Variants in ASXL3 observed in about 807,000 individuals in gnomAD.
ASXL3 encodes the protein ASXL transcriptional regulator 3.
ASXL3 carries 34 observed loss-of-function variants against 170.6 expected under a neutral mutation model. That is an observed-to-expected ratio of 0.20 (90% CI 0.15 to 0.27). ASXL3 has a LOEUF of 0.27. Ranked by LOEUF, ASXL3 falls within the 10% of genes least tolerant of loss-of-function variation. ASXL3 has a pLI of 1.00. For missense variants in ASXL3, 2,592 were observed against 2,695.3 expected, an observed-to-expected ratio of 0.96 and a Z score of 0.85; for synonymous variants, 1,002 against 989.1, an observed-to-expected ratio of 1.01 and a Z score of -0.24.
intron 1 of ASXL3, among the ~76,000 whole-genome samples, chr18:33,602,226 CT>C (rs2145114992): frequency 6.6e-6 from 1 of 152,146 alleles, no homozygotes; most frequent in East Asian, 1.9e-4. Context: ...CTGTTCCCCC[CT>C]GCCATTCTAT....
intron 8 of ASXL3, among the ~76,000 whole-genome samples, chr18:33,691,183 C>A (rs2066681240): frequency 6.6e-6 from 1 of 152,192 alleles, no homozygotes; most frequent in Non-Finnish European, 1.5e-5. Context: ...ATCCTCCCTG[C>A]AATGACAGCA....
intron 8 of ASXL3, among the ~76,000 whole-genome samples, chr18:33,703,588 C>T (rs2145331406): frequency 6.6e-6 from 1 of 152,220 alleles, no homozygotes; most frequent in South Asian, 2.1e-4. Flanking sequence ...ATGCTGCGGA[C>T]CTGCCTCTGC....
At chr18:33,631,807 A>T (rs984627813) in intron 2 of ASXL3, among the ~76,000 whole-genome samples, 1 of 152,138 alleles carries the variant, frequency 6.6e-6, no homozygotes, top group African/African-American at 2.4e-5. Context: ...CTAAAATTCG[A>T]ATATATAGCC....
chr18:33,730,639 C>T (rs137858863), intron 8 of ASXL3, among the ~76,000 whole-genome samples: 1 of 151,832 alleles, frequency 6.6e-6, no homozygotes, highest in African/African-American at 2.4e-5. Context: ...GTACATCAGT[C>T]ATGCTGAACC....
intron 1 of ASXL3, among the ~76,000 whole-genome samples, chr18:33,604,156 G>T (rs775422655): frequency 1.3e-5 from 2 of 151,952 alleles, no homozygotes; most frequent in Non-Finnish European, 2.9e-5. Flanking sequence ...TAAAGGAGAA[G>T]CAATTCACAA....
At chr18:33,645,191 G>A (rs1384639637) in intron 3 of ASXL3, among the ~76,000 whole-genome samples, 189 bp downstream of exon 3, 2 of 151,988 alleles carry the variant, frequency 1.3e-5, no homozygotes, top group Non-Finnish European at 2.9e-5. Flanking sequence ...AAGCATATCT[G>A]TGGTTTCACT....
intron 2 of ASXL3, chr18:33,627,158 AT>A: frequency 6.6e-6 from 1 of 152,384 alleles, no homozygotes; most frequent in African/African-American, 2.4e-5. Context: ...TTCCCCTGTC[AT>A]TTAGTGGGCA....
chr18:33,711,496 C>A (rs1389143910), intron 8 of ASXL3, among the ~76,000 whole-genome samples: 1 of 151,976 alleles, frequency 6.6e-6, no homozygotes, highest in African/African-American at 2.4e-5. Context: ...ATCTGAATTC[C>A]CAAATGACTA....
intron 1 of ASXL3, among the ~76,000 whole-genome samples, chr18:33,584,423 C>T (rs2065018805): frequency 6.6e-6 from 1 of 152,030 alleles, no homozygotes; most frequent in Non-Finnish European, 1.5e-5. Context: ...TCTCCTTGCA[C>T]ACACAAAGAA....
chr18:33,630,677 T>A (rs766414684), intron 2 of ASXL3, among the ~76,000 whole-genome samples: 4 of 151,974 alleles, frequency 2.6e-5, no homozygotes, highest in Non-Finnish European at 5.9e-5. Context: ...CTTTTGACAT[T>A]CTGCTGATCA....
chr18:33,659,791 C>CA (rs948832925), intron 4 of ASXL3, among the ~76,000 whole-genome samples: 12 of 151,864 alleles, frequency 7.9e-5, no homozygotes, highest in African/African-American at 1.5e-4. Flanking sequence ...CTGTCTTAAG[C>CA]AAAAAAATCA....
At chr18:33,702,527 AACTATT>A (rs1389342486) in intron 8 of ASXL3, among the ~76,000 whole-genome samples, 1 of 152,162 alleles carries the variant, frequency 6.6e-6, no homozygotes, top group Non-Finnish European at 1.5e-5. Context: ...CCCTCTGTTA[AACTATT>A]ATGAATGGCT....
At chr18:33,627,611 C>A (rs911036312) in intron 2 of ASXL3, among the ~76,000 whole-genome samples, 1 of 152,084 alleles carries the variant, frequency 6.6e-6, no homozygotes, top group Non-Finnish European at 1.5e-5. Context: ...AGCATGATGA[C>A]ATTAATAAAT....
At chr18:33,678,436 G>A (rs1159937983) in intron 7 of ASXL3, among the ~76,000 whole-genome samples, 1 of 152,180 alleles carries the variant, frequency 6.6e-6, no homozygotes, top group Non-Finnish European at 1.5e-5. Flanking sequence ...GAGTCCTGAA[G>A]CCAGCAGACT....
rs146319226 is a variant in ASXL3 at position 33,615,179 on chromosome 18, A to G, written c.137+7503A>G. Among the ~76,000 whole-genome samples, 393 of 152,258 alleles carry G rather than the reference A, an allele frequency of 2.6e-3. 2 individuals are homozygous for G. The highest frequency in any genetic ancestry group is 9.0e-3 in the African/African-American group (374 of 41,564). On this transcript the variant is annotated intron_variant, in intron 2 of 11. Transcript: ENST00000269197. ...CTATTTCATATAGCCACCTTTGTCA[A>G]TGATCTTAGCGAGATATTTTGGATA...
At chr18:33,675,671 G>A (rs957360303) in intron 7 of ASXL3, among the ~76,000 whole-genome samples, 1 of 152,020 alleles carries the variant, frequency 6.6e-6, no homozygotes, top group Non-Finnish European at 1.5e-5. Flanking sequence ...TGCTTTATCA[G>A]ATTGCAAGAT....
In ASXL3 at chr18:33,747,239, T is replaced by C. The variant is rs989761350; in HGVS notation, c.*644T>C. The C allele has an allele frequency of 6.6e-6, 1 of 152,184 alleles. No homozygotes were observed. The highest frequency in any genetic ancestry group is 1.5e-5 in the Non-Finnish European group (1 of 68,048). 9.4% of individuals were successfully genotyped at this position (152,184 alleles called of 1,614,324 possible). On this transcript the variant is annotated 3_prime_UTR_variant, in exon 12 of 12. Coordinates refer to ENST00000269197, the MANE Select transcript of ASXL3 (RefSeq NM_030632.3). Reference sequence around the variant, plus strand: ...GCAGAATATCTGGATCTTCCTTGGATTTTGTACACATATTGTAGTGAAATG... The same window carrying C: ...GCAGAATATCTGGATCTTCCTTGGACTTTGTACACATATTGTAGTGAAATG...
At chr18:33,716,768 A>G (rs566551964) in intron 8 of ASXL3, among the ~76,000 whole-genome samples, 1 of 152,182 alleles carries the variant, frequency 6.6e-6, no homozygotes, top group East Asian at 1.9e-4. Flanking sequence ...TTGCAAATGG[A>G]ATTTCTTTCT....
intron 8 of ASXL3, among the ~76,000 whole-genome samples, chr18:33,731,501 A>C (rs949083380): frequency 1.3e-5 from 2 of 152,148 alleles, no homozygotes; most frequent in African/African-American, 4.8e-5. Flanking sequence ...TTAGACTCTC[A>C]TGCGGCTGCA....
Sources: allele counts gnomAD v4.1 joint callset (sites outside exome capture counted in the v4.1 genomes callset), GRCh38; gene constraint gnomAD v4.1.1; transcripts MANE v1.5; gene names NCBI Gene and HGNC (gene_info 2026-07-23, HGNC 2026-07-21).